CHD7: variants seen among roughly 807,000 people sequenced by gnomAD.
CHD7 encodes ATP-dependent chromatin remodeler CHD7.
CHD7 carries 24 observed loss-of-function variants against 307.3 expected under a neutral mutation model. The observed-to-expected ratio is 0.08, with a 90% CI of 0.06 to 0.11. The LOEUF (loss-of-function observed/expected upper bound fraction) is 0.11. Among genes scored for constraint, CHD7 ranks in the 10% least tolerant of loss-of-function variants. The pLI is 1.00. For synonymous variants in CHD7, 1,363 were observed against 1,349.9 expected, an observed-to-expected ratio of 1.01 and a Z score of -0.21; for missense variants, 3,106 against 3,727.1, an observed-to-expected ratio of 0.83 and a Z score of 4.34.
At chr8:60,802,571 C>T (rs560443889) in intron 6 of CHD7, among the ~76,000 whole-genome samples, 7 of 152,266 alleles carry the variant, frequency 4.6e-5, no homozygotes, top group South Asian at 2.1e-4. Flanking sequence ...GGTCTAGCTG[C>T]GAACTCCTGG....
At chr8:60,755,361 TA>T (rs113498932) in intron 2 of CHD7, among the ~76,000 whole-genome samples, 11 of 151,932 alleles carry the variant, frequency 7.2e-5, no homozygotes, top group African/African-American at 1.2e-4. Context: ...CCATTTTTTT[TA>T]AGAATTTACT....
intron 21 of CHD7, among the ~76,000 whole-genome samples, chr8:60,844,530 G>T (rs955969735): frequency 6.6e-6 from 1 of 152,176 alleles, no homozygotes; most frequent in African/African-American, 2.4e-5. Flanking sequence ...TCATGACAGT[G>T]TGAAGCAAAG....
intron 1 of CHD7, chr8:60,679,671 G>GCCCCCC (rs1463344572): frequency 6.8e-6 from 1 of 146,186 alleles, no homozygotes; most frequent in Non-Finnish European, 1.5e-5. Context: ...TCCCGCCCCC[G>GCCCCCC]CCCCCCGCTC....
intron 1 of CHD7, among the ~76,000 whole-genome samples, chr8:60,703,666 T>C (rs1806878181): frequency 6.6e-6 from 1 of 152,226 alleles, no homozygotes; most frequent in Non-Finnish European, 1.5e-5. Flanking sequence ...CACCCCTTTA[T>C]GGAAGGACTG....
At chr8:60,820,520 C>A (rs1225041315) in intron 9 of CHD7, among the ~76,000 whole-genome samples, 1 of 152,102 alleles carries the variant, frequency 6.6e-6, no homozygotes, top group African/African-American at 2.4e-5. Flanking sequence ...TACACAGAGG[C>A]TAATAGACAT....
intron 19 of CHD7, 102 bp downstream of exon 19, chr8:60,838,357 T>A: frequency 9.8e-7 from 1 of 1,022,580 alleles, no homozygotes; most frequent in Non-Finnish European, 1.4e-6. Context: ...TGGGAATTAA[T>A]CAAATTAATC....
chr8:60,735,968 T>C (rs1586237829), intron 1 of CHD7, among the ~76,000 whole-genome samples: 1 of 152,220 alleles, frequency 6.6e-6, no homozygotes, highest in East Asian at 1.9e-4. Context: ...AACATGTGGC[T>C]GGTGGCTTCT....
At chr8:60,816,115 C>CTCTG (rs368245141) in intron 7 of CHD7, among the ~76,000 whole-genome samples, 1 of 49,936 alleles carries the variant, frequency 2.0e-5, no homozygotes, top group Non-Finnish European at 5.6e-5. Context: ...GTCTGTCTGT[C>CTCTG]TCTCTCTCTC....
At position 60,853,480 on chromosome 8, in the gene CHD7, A is replaced by G; in HGVS notation, c.6755A>G (p.Glu2252Gly). 2 of 1,514,952 alleles carry G rather than the reference A, an allele frequency of 1.3e-6. No individual in the cohort carries two copies. The highest frequency in any genetic ancestry group is 1.8e-6 in the Non-Finnish European group (2 of 1,133,954). The allele number at this position is 1,514,952 out of a possible 1,614,324, so 93.8% of individuals were successfully genotyped here. A position where few individuals can be genotyped will look rare whatever the true frequency, so the allele number is the denominator to read the frequency against. The change falls in exon 31 of 38, where the codon GAA (glutamate) becomes GGA (glycine). Residue 2252 changes from glutamate (E) to glycine (G), a missense_variant. This residue lies in a region of CHD7 where 1,030 missense variants were observed against 1,165.4 expected (regional missense o/e 0.88). Transcript: ENST00000423902. ...EEKLEDDDKS[E>G]ESSQPEAGAV... ...AAGCTGGAGGATGACGATAAGTCGG[A>G]AGAGTCTTCCCAGCCCGAAGGTAAG...
intron 1 of CHD7, among the ~76,000 whole-genome samples, chr8:60,725,618 C>G (rs1430958114): frequency 6.6e-6 from 1 of 152,190 alleles, no homozygotes; most frequent in East Asian, 1.9e-4. Flanking sequence ...TATTAAGCAT[C>G]TGCATTATAG....
intron 1 of CHD7, among the ~76,000 whole-genome samples, chr8:60,684,681 T>C (rs1000654735): frequency 1.3e-5 from 2 of 152,150 alleles, no homozygotes; most frequent in Non-Finnish European, 2.9e-5. Flanking sequence ...AAGATGAGAC[T>C]CGAGGCAGGC....
At chr8:60,824,378 T>G (rs1395516607) in intron 13 of CHD7, 1 of 311,082 alleles carries the variant, frequency 3.2e-6, no homozygotes, top group Non-Finnish European at 5.8e-6. Flanking sequence ...AAATGCTCAT[T>G]GGAGCATTTT....
chr8:60,774,241 T>C (rs1563588511), intron 2 of CHD7, among the ~76,000 whole-genome samples: 1 of 152,240 alleles, frequency 6.6e-6, no homozygotes, highest in Non-Finnish European at 1.5e-5. Flanking sequence ...ATTTTCTAGC[T>C]GTGTAACTTT....
intron 8 of CHD7, among the ~76,000 whole-genome samples, 188 bp downstream of exon 8, chr8:60,816,689 C>T (rs968358741): frequency 6.6e-6 from 1 of 152,092 alleles, no homozygotes; most frequent in African/African-American, 2.4e-5. Context: ...GTTGCTTAGG[C>T]TAGAAGATAT....
intron 1 of CHD7, among the ~76,000 whole-genome samples, chr8:60,689,069 T>A (rs1217195279): frequency 6.6e-6 from 1 of 152,212 alleles, no homozygotes; most frequent in Non-Finnish European, 1.5e-5. Flanking sequence ...AGAATCTCAC[T>A]GCTACCCAGA....
intron 14 of CHD7, 119 bp downstream of exon 14, chr8:60,828,925 A>C: frequency 2.4e-6 from 2 of 838,928 alleles, no homozygotes; most frequent in Non-Finnish European, 3.7e-6. Context: ...CCTAGTACAC[A>C]GAACCTTAGA....
intron 4 of CHD7, among the ~76,000 whole-genome samples, chr8:60,800,060 T>C (rs925896072): frequency 5.9e-5 from 9 of 152,106 alleles, no homozygotes; most frequent in African/African-American, 1.9e-4. Flanking sequence ...AGACGCAGTC[T>C]TGCTCTGTCG....
rs1206124736 is a variant in CHD7 at position 60,856,686 on chromosome 8, A to C, written c.7406A>C (p.Asn2469Thr). The C allele has an allele frequency of 5.0e-6, 8 of 1,613,914 alleles. No individual in the cohort carries two copies. The highest frequency in any genetic ancestry group is 1.1e-5 in the South Asian group (1 of 91,092). Residue 2469 changes from asparagine (N) to threonine (T), a missense_variant, in exon 34 of 38, where the codon AAT becomes ACT. Transcript: ENST00000423902. ...CTTTCTTCAAAGTTTATCTTGCCTA[A>C]TGTCTCAACACCAGTGTCTGATGCC... ...SSLSSKFILP[N>T]VSTPVSDAFK...
At chr8:60,827,534 T>C (rs1050371164) in intron 13 of CHD7, among the ~76,000 whole-genome samples, 1 of 152,070 alleles carries the variant, frequency 6.6e-6, no homozygotes, top group Admixed American at 6.6e-5. Context: ...TATCCACAAG[T>C]GTGGTGATAC....
Sources: allele counts gnomAD v4.1 joint callset (sites outside exome capture counted in the v4.1 genomes callset), GRCh38; gene constraint gnomAD v4.1.1; regional missense constraint gnomAD v4.1.1; transcripts MANE v1.5; gene names NCBI Gene and HGNC (gene_info 2026-07-23, HGNC 2026-07-21).